PCSK4: variants seen among roughly 807,000 people sequenced by gnomAD.
The protein encoded by PCSK4 is testicular tissue protein Li 135.
In PCSK4, 64 loss-of-function variants were observed where a neutral mutation model predicts 80.3. That is an observed-to-expected ratio of 0.80 (90% CI 0.65 to 0.98). The LOEUF (loss-of-function observed/expected upper bound fraction) is 0.98. Ranked by LOEUF, PCSK4 falls within the 50% of genes least tolerant of loss-of-function variation. The pLI, the probability that PCSK4 is intolerant of heterozygous loss-of-function variation, is 0.00. For synonymous variants in PCSK4, 561 were observed against 487.6 expected (o/e 1.15, Z -1.98); for missense variants, 1,213 against 1,093.6 (o/e 1.11, Z -1.54).
In PCSK4 at chr19:1,487,127, G is replaced by T. The variant is rs200905631; in HGVS notation, c.855+14C>A. 6.2e-7 allele frequency: 1 copy of T among 1,602,916 alleles called. No homozygotes were observed. On this transcript the variant is annotated intron_variant, in intron 7 of 14. Coordinates refer to ENST00000300954, the Ensembl canonical transcript of PCSK4. ...CTGGCCTGCCACCCCTGCCCTCCTCGGGCTGCCACTCACCTTGGTCACACC... is the reference window on the plus strand; with the variant it reads ...CTGGCCTGCCACCCCTGCCCTCCTCTGGCTGCCACTCACCTTGGTCACACC...
chr19:1,482,031 C>T, exon 15 of PCSK4: 1 of 1,569,452 alleles, frequency 6.4e-7, no homozygotes, highest in Non-Finnish European at 8.6e-7. Flanking sequence ...GAGGTGCAGT[C>T]CCTCGGGGAG....
At chr19:1,484,492 T>TA (rs112354021) in intron 8 of PCSK4, among the ~76,000 whole-genome samples, 328 of 125,880 alleles carry the variant, frequency 2.6e-3, no homozygotes, top group Non-Finnish European at 2.8e-3. Context: ...GACTCTGGAT[T>TA]AAAAAAAAAA....
Position 1,483,830 on chromosome 19 carries a change from C to T in PCSK4, c.1273+8G>A, listed in dbSNP as rs1211195801. 3.4e-6 allele frequency: 5 copies of T among 1,491,928 alleles called. No individual in the cohort carries two copies. In the African/African-American group the frequency reaches 4.4e-5, roughly 13 times the overall value. The allele number at this position is 1,491,928 out of a possible 1,614,324, so 92.4% of individuals were successfully genotyped here. ...CCGGGTCCCCGCCCCCGCCCGGCCC[C>T]GCCGCACCTTGGCGCCCCACGCCGT... On this transcript the variant is annotated splice_region_variant and intron_variant, in intron 10 of 14. Coordinates refer to ENST00000300954, the Ensembl canonical transcript of PCSK4.
chr19:1,482,786 A>C (rs1599198463), intron 13 of PCSK4, 110 bp downstream of exon 13: 2 of 1,183,866 alleles, frequency 1.7e-6, no homozygotes, highest in East Asian at 4.8e-5. Flanking sequence ...CTCTTGGAGA[A>C]GGCCACTGGG....
chr19:1,489,459 T>G (rs112309138), intron 2 of PCSK4: 1 of 307,648 alleles, frequency 3.3e-6, no homozygotes, highest in Non-Finnish European at 6.2e-6. Context: ...TGGAACCCAT[T>G]ACGGTGTCGT....
At chr19:1,488,141 G>A in intron 3 of PCSK4, 47 bp downstream of exon 3, 1 of 1,613,118 alleles carries the variant, frequency 6.2e-7, no homozygotes. Context: ...GGAGTTGAGG[G>A]CGCCAGCGGC....
chr19:1,487,486 C>G, intron 6 of PCSK4, 117 bp downstream of exon 6: 1 of 1,044,336 alleles, frequency 9.6e-7, no homozygotes, highest in East Asian at 2.6e-5. Context: ...AGTCTGGGGC[C>G]CTAGCACCAC....
chr19:1,487,798 TGG>T lies in PCSK4; in HGVS notation c.578_579del (p.Pro193GlnfsTer338). 1.3e-6 allele frequency: 2 copies of T among 1,577,186 alleles called. No homozygotes were observed. Among genetic ancestry groups the T allele is most frequent in the Non-Finnish European group, 1.7e-6 (2 of 1,161,422 alleles). On this transcript the variant is annotated frameshift_variant, in exon 5 of 15. Transcript: ENST00000300954. LOFTEE classifies it high-confidence loss of function. ...AGCCCTGCTCACCGGTTCTCTTTGC[TGG>T]GGGTGTAGCGGGGCTGGGGGTCCGG...
rs1057022520 is a variant in PCSK4, at chr19:1,483,277, C to G, written c.1571+7G>C. Reference sequence around the variant, plus strand: ...AGGCCGCCCCCTCTCCTCTGCGGGCCGCTCACCGTATGGCCACGAGTGTGG... The same window carrying G: ...AGGCCGCCCCCTCTCCTCTGCGGGCGGCTCACCGTATGGCCACGAGTGTGG... On this transcript the variant is annotated splice_region_variant and intron_variant, in intron 12 of 14. Coordinates refer to ENST00000300954, the Ensembl canonical transcript of PCSK4. The G allele has an allele frequency of 7.0e-6, 11 of 1,570,428 alleles. No individual in the cohort carries two copies. Among genetic ancestry groups the G allele is most frequent in the Non-Finnish European group, 9.5e-6 (11 of 1,157,388 alleles).
At chr19:1,483,616 G>A in intron 11 of PCSK4, 34 bp downstream of exon 11, 7 of 1,515,358 alleles carry the variant, frequency 4.6e-6, no homozygotes, top group Non-Finnish European at 6.2e-6. Context: ...CACACCCCCA[G>A]CGGGGATAGC....
intron 2 of PCSK4, among the ~76,000 whole-genome samples, chr19:1,489,061 G>GACCC (rs1321196406): frequency 2.0e-5 from 3 of 151,842 alleles, no homozygotes; most frequent in Admixed American, 2.0e-4. Flanking sequence ...AGCCCGATGG[G>GACCC]ACCCAGGCCC....
intron 2 of PCSK4, among the ~76,000 whole-genome samples, 198 bp from the exon 3 acceptor site, chr19:1,488,478 G>C (rs542260899): frequency 6.6e-6 from 1 of 152,180 alleles, no homozygotes; most frequent in Non-Finnish European, 1.5e-5. Context: ...GCCCACAGAC[G>C]CGTCGTTGCT....
In PCSK4 at chr19:1,487,189, G is replaced by A. The variant is rs374227792; in HGVS notation, c.807C>T (p.Asp269=). The change falls in exon 7 of 15, where the codon GAC becomes GAT. Residue 269 remains aspartate, a synonymous_variant. Coordinates refer to ENST00000300954, the Ensembl canonical transcript of PCSK4. ...CCTCGCGGGTGAGGATGCCGGGGCCGTCCACCGTGCGGCCGTCGTCCTCGG... is the reference window on the plus strand; with the variant it reads ...CCTCGCGGGTGAGGATGCCGGGGCCATCCACCGTGCGGCCGTCGTCCTCGG... 1.4e-4 allele frequency: 220 copies of A among 1,608,026 alleles called. 2 individuals carry two copies. Among genetic ancestry groups the A allele is most frequent in the South Asian group, 1.3e-3 (119 of 90,990 alleles).
intron 8 of PCSK4, among the ~76,000 whole-genome samples, chr19:1,486,365 C>T (rs971484043): frequency 1.3e-4 from 19 of 150,460 alleles, no homozygotes; most frequent in Non-Finnish European, 1.9e-4. Context: ...GGCCCGATCT[C>T]GGCTCACTGC....
rs1366289191 is a variant in PCSK4 at position 1,487,733 on chromosome 19, C to A, written c.594-42G>T. 14 of 1,547,074 alleles carry A rather than the reference C, an allele frequency of 9.0e-6. No homozygotes were observed. The East Asian group carries it at 3.4e-4, about 37-fold the overall frequency. ...GAGGGGCTCCTGTCACGGCCTCCATCCCCCTGCCGGGTACTGGGGCTTCCC... is the reference window on the plus strand; with the variant it reads ...GAGGGGCTCCTGTCACGGCCTCCATACCCCTGCCGGGTACTGGGGCTTCCC... On this transcript the variant is annotated intron_variant, in intron 5 of 14. Coordinates refer to ENST00000300954, the Ensembl canonical transcript of PCSK4.
rs1309796778 is a variant in PCSK4 at position 1,482,814 on chromosome 19, G to C, written c.1696+82C>G. 9 of 1,468,434 alleles carry C rather than the reference G, an allele frequency of 6.1e-6. No individual in the cohort carries two copies. In the East Asian group the frequency reaches 1.1e-4, roughly 19 times the overall value. 91.0% of individuals were successfully genotyped at this position (1,468,434 alleles called of 1,614,324 possible). Reference sequence around the variant, plus strand: ...CCACTGGGAACCCCTTTTGCAGTGCGGTCACCAAGGCTAGCTCCAGAGCCC... The same window carrying C: ...CCACTGGGAACCCCTTTTGCAGTGCCGTCACCAAGGCTAGCTCCAGAGCCC... On this transcript the variant is annotated intron_variant, in intron 13 of 14. Transcript: ENST00000300954.
At chr19:1,483,873 G>C (rs2145349263) in exon 10 of PCSK4, 1 of 1,496,450 alleles carries the variant, frequency 6.7e-7, no homozygotes, top group East Asian at 2.7e-5. Context: ...CCAGTCCTCG[G>C]CCTGCAGGTG....
intron 2 of PCSK4, among the ~76,000 whole-genome samples, chr19:1,488,684 G>A (rs111809676): frequency 1.5e-4 from 23 of 151,876 alleles, no homozygotes; most frequent in East Asian, 7.8e-4. Context: ...GGGTTCAAGC[G>A]ATTCTCCTAC....
rs1412799871 is a variant in PCSK4 at position 1,483,820 on chromosome 19, C to T, written c.1273+18G>A. ...CCCGTGGGCCCCGGGTCCCCGCCCC[C>T]GCCCGGCCCCGCCGCACCTTGGCGC... On this transcript the variant is annotated intron_variant, in intron 10 of 14. Transcript: ENST00000300954. 3.4e-6 allele frequency: 5 copies of T among 1,483,842 alleles called. No homozygotes were observed. The highest frequency in any genetic ancestry group is 2.9e-5 in the African/African-American group (2 of 68,616). 91.9% of individuals were successfully genotyped at this position (1,483,842 alleles called of 1,614,324 possible). A position where few individuals can be genotyped will look rare whatever the true frequency, so the allele number is the denominator to read the frequency against.
Sources: allele counts gnomAD v4.1 joint callset (sites outside exome capture counted in the v4.1 genomes callset), GRCh38; gene constraint gnomAD v4.1.1; transcripts MANE v1.5; gene names NCBI Gene and HGNC (gene_info 2026-07-23, HGNC 2026-07-21).